Variants in HDAC1 observed in about 807,000 individuals in gnomAD.
The protein encoded by HDAC1 is protein deacetylase HDAC1.
Under a neutral mutation model 65.5 loss-of-function variants are expected in HDAC1, and 18 were observed. The ratio of observed to expected loss-of-function variants is 0.27; its 90% confidence interval spans 0.19 to 0.41. HDAC1 has a LOEUF of 0.41. Ranked by LOEUF, HDAC1 falls within the 10% of genes least tolerant of loss-of-function variation. HDAC1 has a pLI of 1.00. For synonymous variants in HDAC1, 211 were observed against 227.9 expected, an observed-to-expected ratio of 0.93 and a Z score of 0.67; for missense variants, 373 against 625.2, an observed-to-expected ratio of 0.60 and a Z score of 4.30.
chr1:32,318,808 CT>C (rs1244057224), intron 3 of HDAC1, among the ~76,000 whole-genome samples: 1 of 152,096 alleles, frequency 6.6e-6, no homozygotes, highest in Admixed American at 6.6e-5. Context: ...ATCCAGCATT[CT>C]AAAGTTGTAC....
intron 2 of HDAC1, among the ~76,000 whole-genome samples, chr1:32,312,441 A>G (rs1483914907): frequency 6.6e-6 from 1 of 151,740 alleles, no homozygotes; most frequent in Non-Finnish European, 1.5e-5. Flanking sequence ...GCTCACTGCA[A>G]CCTCTGCCTC....
intron 2 of HDAC1, among the ~76,000 whole-genome samples, chr1:32,315,384 C>T (rs1641046289): frequency 6.6e-6 from 1 of 151,444 alleles, no homozygotes; most frequent in Non-Finnish European, 1.5e-5. Flanking sequence ...GGAAGTTTCA[C>T]TCTTGTTGCC....
intron 4 of HDAC1, 54 bp from the exon 5 acceptor site, chr1:32,326,885 A>T: frequency 6.3e-7 from 1 of 1,599,570 alleles, no homozygotes; most frequent in Non-Finnish European, 8.5e-7. Context: ...GGCTTCTTGG[A>T]GGAAGGGGAG....
chr1:32,330,542 C>A lies in HDAC1; in HGVS notation c.730-36C>A, dbSNP rs1356935242. ...TCCACTCCAAACCTCGTATTGCTTT[C>A]TTGAGGTTGGTGGTGACCAGGATGT... On this transcript the variant is annotated intron_variant, in intron 7 of 13. Transcript: ENST00000373548. This position sits in a 1 kb window ranked among gnomAD's most constrained non-coding sequence, Gnocchi z 4.2. 1 of 1,442,692 alleles carries A rather than the reference C, an allele frequency of 6.9e-7. No homozygotes were observed. Among genetic ancestry groups the A allele is most frequent in the South Asian group, 1.1e-5 (1 of 87,552 alleles). The allele number at this position is 1,442,692 out of a possible 1,614,324, so 89.4% of individuals were successfully genotyped here.
At chr1:32,300,864 A>T (rs1190217462) in intron 1 of HDAC1, among the ~76,000 whole-genome samples, 8 of 152,188 alleles carry the variant, frequency 5.3e-5, no homozygotes. Flanking sequence ...ATTTTGCCAT[A>T]TGCTTGGGTG....
intron 3 of HDAC1, among the ~76,000 whole-genome samples, chr1:32,319,287 C>T (rs1641107760): frequency 6.6e-6 from 1 of 151,980 alleles, no homozygotes; most frequent in Non-Finnish European, 1.5e-5. Context: ...ATTTTTCTGT[C>T]ATCAGAAATG....
At chr1:32,319,346 G>A (rs1641109608) in intron 3 of HDAC1, among the ~76,000 whole-genome samples, 1 of 152,168 alleles carries the variant, frequency 6.6e-6, no homozygotes, top group Admixed American at 6.5e-5. Context: ...ACCTCACTGA[G>A]TTGATTTGTA....
intron 4 of HDAC1, among the ~76,000 whole-genome samples, chr1:32,325,295 C>T (rs918633946): frequency 1.3e-5 from 2 of 152,206 alleles, no homozygotes; most frequent in Admixed American, 1.3e-4. Flanking sequence ...CAGGATTACT[C>T]TAAACGCTTT....
In HDAC1 at chr1:32,331,437, C is replaced by CAGGTCTCTT; in HGVS notation, c.980-36_980-28dup. The CAGGTCTCTT allele has an allele frequency of 8.2e-7, 1 of 1,214,998 alleles. No homozygotes were observed. The highest frequency in any genetic ancestry group is 1.2e-6 in the Non-Finnish European group (1 of 816,190). The allele number at this position is 1,214,998 out of a possible 1,614,324, so 75.3% of individuals were successfully genotyped here. A position where few individuals can be genotyped will look rare whatever the true frequency, so the allele number is the denominator to read the frequency against. ...GTGCAAATGGTTAGGGTGCGGTGGC[C>CAGGTCTCTT]AGGTCTCTTGACGGTCTTCTCTCCT... On this transcript the variant is annotated intron_variant, in intron 9 of 13. Transcript: ENST00000373548. The surrounding 1 kb of genome is among the most constrained non-coding windows in gnomAD (Gnocchi z 4.2).
chr1:32,304,894 T>C (rs1001784454), intron 2 of HDAC1, among the ~76,000 whole-genome samples: 1 of 152,112 alleles, frequency 6.6e-6, no homozygotes, highest in Non-Finnish European at 1.5e-5. Context: ...AATTTTTTTG[T>C]AGAAACAGGG....
chr1:32,317,123 A>C (rs1295025688), intron 3 of HDAC1, among the ~76,000 whole-genome samples: 1 of 152,188 alleles, frequency 6.6e-6, no homozygotes, highest in Non-Finnish European at 1.5e-5. Context: ...ACTTCCCCTC[A>C]GATTCTTCTT....
Position 32,310,942 on chromosome 1 carries a change from A to G in HDAC1, c.163-5723A>G, listed in dbSNP as rs1399034962. Among the ~76,000 whole-genome samples, 3 of 151,886 alleles carry G rather than the reference A, an allele frequency of 2.0e-5. No homozygotes were observed. The East Asian group carries it at 5.8e-4, about 29-fold the overall frequency. On this transcript the variant is annotated intron_variant, in intron 2 of 13. Coordinates refer to ENST00000373548, the MANE Select transcript of HDAC1 (RefSeq NM_004964.3). ...AAGGAAGGAAGAAAGGAAGGAAAGA[A>G]GAGAGAAAAGAAAAAAAAAGAAAGA... is the stretch of plus-strand genomic sequence containing the variant.
chr1:32,323,153 C>G (rs993038733), intron 3 of HDAC1, among the ~76,000 whole-genome samples: 4 of 151,950 alleles, frequency 2.6e-5, no homozygotes, highest in Non-Finnish European at 5.9e-5. Context: ...ATGCGGAAAT[C>G]AGCCAGGTGT....
At position 32,329,173 on chromosome 1, in the gene HDAC1, A is replaced by T. The variant is rs1446444757; in HGVS notation, c.729+13A>T. ...CATTTTCAAGCCGGTAAGTGGCTTT[A>T]TCCACCCCTTGGGCTACAAACAGGG... On this transcript the variant is annotated intron_variant, in intron 7 of 13. Transcript: ENST00000373548. This position sits in a 1 kb window ranked among gnomAD's most constrained non-coding sequence, Gnocchi z 4.1. 4.6e-6 allele frequency: 7 copies of T among 1,525,890 alleles called. No homozygotes were observed. The highest frequency in any genetic ancestry group is 6.4e-6 in the Non-Finnish European group (7 of 1,099,600). 94.5% of individuals were successfully genotyped at this position (1,525,890 alleles called of 1,614,324 possible). A position where few individuals can be genotyped will look rare whatever the true frequency, so the allele number is the denominator to read the frequency against.
intron 4 of HDAC1, among the ~76,000 whole-genome samples, 167 bp from the exon 5 acceptor site, chr1:32,326,772 A>G (rs908826625): frequency 7.5e-6 from 1 of 133,680 alleles, no homozygotes; most frequent in East Asian, 2.7e-4. Context: ...AGACAGTATC[A>G]TGTATTCCCT....
intron 1 of HDAC1, among the ~76,000 whole-genome samples, chr1:32,295,400 C>CAA (rs113966477): frequency 7.4e-6 from 1 of 135,552 alleles, no homozygotes; most frequent in Non-Finnish European, 1.6e-5. Context: ...GACCTTGTGT[C>CAA]AAAAAAAAAA....
Position 32,302,703 on chromosome 1 carries a change from C to T in HDAC1, c.132C>T (p.Asn44=). The change falls in exon 2 of 14, where the codon AAC becomes AAT. Residue 44 remains asparagine, a synonymous_variant. Coordinates refer to ENST00000373548, the MANE Select transcript of HDAC1 (RefSeq NM_004964.3). ...GCATGACTCATAATTTGCTGCTCAA[C>T]TATGGTCTCTACCGAAAAATGGAAA... ...RIRMTHNLLL[N]YGLYRKMEIY... 1 of 1,593,018 alleles carries T rather than the reference C, an allele frequency of 6.3e-7. No homozygotes were observed. Among genetic ancestry groups the T allele is most frequent in the Non-Finnish European group, 8.6e-7 (1 of 1,160,742 alleles).
intron 2 of HDAC1, among the ~76,000 whole-genome samples, chr1:32,308,004 T>C (rs990882716): frequency 1.3e-5 from 2 of 152,150 alleles, no homozygotes; most frequent in African/African-American, 2.4e-5. Context: ...AGTTTCTTGA[T>C]TGCTATATCA....
intron 1 of HDAC1, among the ~76,000 whole-genome samples, chr1:32,301,017 T>C (rs1405042913): frequency 6.6e-6 from 1 of 152,082 alleles, no homozygotes; most frequent in Non-Finnish European, 1.5e-5. Context: ...CCAAGGGCCA[T>C]AGTTTGCCTA....
Sources: gnomAD v4.1 joint callset for allele counts (sites outside exome capture counted in the v4.1 genomes callset) on GRCh38, gnomAD v4.1.1 for gene constraint, Gnocchi (gnomAD v3.1) non-coding constraint, MANE v1.5 for transcripts, NCBI Gene and HGNC (gene_info 2026-07-23, HGNC 2026-07-21) for gene names.